Variants in ATP10D observed in about 807,000 individuals in gnomAD.
ATP10D encodes the protein ATPase phospholipid transporting 10D (putative).
In ATP10D, 89 loss-of-function variants were observed where a neutral mutation model predicts 144.8. The observed-to-expected ratio is 0.61, with a 90% CI of 0.52 to 0.73. The LOEUF is 0.73. Ranked by LOEUF, ATP10D falls within the 30% of genes least tolerant of loss-of-function variation. The pLI is 0.00. For synonymous variants in ATP10D, 571 were observed against 615.1 expected (o/e 0.93, Z 1.06); for missense variants, 1,603 against 1,714.8 (o/e 0.93, Z 1.15).
At position 47,558,991 on chromosome 4, in the gene ATP10D, G is replaced by A. The variant is rs1276798692; in HGVS notation, c.2503G>A (p.Ala835Thr). 1.9e-6 allele frequency: 3 copies of A among 1,614,138 alleles called. No individual in the cohort carries two copies. Among genetic ancestry groups the A allele is most frequent in the East Asian group, 4.5e-5 (2 of 44,880 alleles). Residue 835 changes from alanine to threonine, a missense_variant, in exon 13 of 23, where the codon GCC (alanine) becomes ACC (threonine). By Grantham distance (58) the Ala-to-Thr change is moderately conservative (BLOSUM62 0). Coordinates refer to ENST00000273859, the MANE Select transcript of ATP10D (RefSeq NM_020453.4). ...EKTQKHLDDYAKQGLRTLCIA... is the reference protein window; with the variant it reads ...EKTQKHLDDYTKQGLRTLCIA... ...AACCCAGAAGCACTTGGATGACTAT[G>A]CCAAACAAGGCCTTCGTACTTTATG...
At chr4:47,542,287 G>A (rs137976799) in intron 9 of ATP10D, among the ~76,000 whole-genome samples, 2,207 of 152,046 alleles carry the variant, frequency 0.015, 22 homozygotes, top group Non-Finnish European at 0.022. Context: ...TGTAGAGGCA[G>A]GATTTCGCCA....
At chr4:47,560,651 A>G (rs1275260409) in intron 13 of ATP10D, among the ~76,000 whole-genome samples, 1 of 152,236 alleles carries the variant, frequency 6.6e-6, no homozygotes, top group Non-Finnish European at 1.5e-5. Flanking sequence ...ACCACTCCCA[A>G]CTGCATACTT....
chr4:47,512,953 T>G, intron 2 of ATP10D, 123 bp downstream of exon 2: 1 of 952,906 alleles, frequency 1.0e-6, no homozygotes. Flanking sequence ...CCTTGACAAT[T>G]TTGATACAAA....
intron 1 of ATP10D, among the ~76,000 whole-genome samples, chr4:47,492,813 CCTAT>C (rs371969708): frequency 1.9e-4 from 29 of 152,216 alleles, no homozygotes; most frequent in Non-Finnish European, 4.1e-4. Context: ...AATGTTACCA[CCTAT>C]CTATCTTCAT....
intron 9 of ATP10D, among the ~76,000 whole-genome samples, chr4:47,539,811 ATT>A (rs1718039836): frequency 6.6e-6 from 1 of 152,230 alleles, no homozygotes; most frequent in South Asian, 2.1e-4. Flanking sequence ...ATAACACAAA[ATT>A]TTGTGTTCAT....
At chr4:47,574,625 G>T (rs1224926500) in intron 18 of ATP10D, among the ~76,000 whole-genome samples, 1 of 152,140 alleles carries the variant, frequency 6.6e-6, no homozygotes, top group East Asian at 1.9e-4. Context: ...GGTGGCTCAC[G>T]CCTGTAAGCC....
At chr4:47,579,161 T>G (rs1444008541) in intron 19 of ATP10D, among the ~76,000 whole-genome samples, 1 of 152,224 alleles carries the variant, frequency 6.6e-6, no homozygotes, top group African/African-American at 2.4e-5. Flanking sequence ...ACTTCAGAGT[T>G]GGCTCTTGTT....
chr4:47,559,668 A>C (rs1719189841), intron 13 of ATP10D, among the ~76,000 whole-genome samples: 1 of 152,122 alleles, frequency 6.6e-6, no homozygotes, highest in South Asian at 2.1e-4. Context: ...GGAAAGTGGG[A>C]TCTGTTGTAG....
rs1258070308 is a variant in ATP10D, at chr4:47,557,819, C to G, written c.1980C>G (p.Leu660=). Residue 660 remains leucine, a synonymous_variant, in exon 12 of 23, where the codon CTC becomes CTG. Coordinates refer to ENST00000273859, the MANE Select transcript of ATP10D (RefSeq NM_020453.4). ...SGVPNAFVSR[L]PLFSRMKPAS... ...TTCCAAACGCCTTTGTGAGCAGACT[C>G]CCTCTCTTTAGTCGAATGAAACCAG... 12 of 1,614,188 alleles carry G rather than the reference C, an allele frequency of 7.4e-6. No individual in the cohort carries two copies. The highest frequency in any genetic ancestry group is 2.2e-5 in the East Asian group (1 of 44,886).
intron 18 of ATP10D, among the ~76,000 whole-genome samples, chr4:47,574,843 C>G (rs1275386263): frequency 6.6e-6 from 1 of 152,138 alleles, no homozygotes; most frequent in African/African-American, 2.4e-5. Flanking sequence ...CTCTGTCCCC[C>G]AGGCTGGAGT....
chr4:47,512,880 T>C (rs1716429097), intron 2 of ATP10D, 50 bp downstream of exon 2: 1 of 1,487,360 alleles, frequency 6.7e-7, no homozygotes. Flanking sequence ...CTAGTTGATA[T>C]ATAACATATT....
chr4:47,534,504 C>T (rs1289584689), intron 5 of ATP10D, among the ~76,000 whole-genome samples: 1 of 152,138 alleles, frequency 6.6e-6, no homozygotes, highest in East Asian at 1.9e-4. Context: ...GCCTGTAGGG[C>T]CATGACTTTC....
intron 13 of ATP10D, 58 bp from the exon 14 acceptor site, chr4:47,560,891 G>T (rs949329392): frequency 4.4e-6 from 7 of 1,604,262 alleles, no homozygotes; most frequent in Admixed American, 3.3e-5. Flanking sequence ...GGTCAGTCCT[G>T]GTATTCCCAC....
intron 10 of ATP10D, chr4:47,547,084 A>G (rs542508015): frequency 5.8e-6 from 3 of 517,870 alleles, no homozygotes; most frequent in South Asian, 5.2e-5. Context: ...GTAGTATACC[A>G]TTTCTGAAAA....
Position 47,592,409 on chromosome 4 carries a change from T to C in ATP10D, c.*1028T>C, listed in dbSNP as rs920475776. 6.6e-6 allele frequency: 1 copy of C among 152,566 alleles called. No individual in the cohort carries two copies. The highest frequency in any genetic ancestry group is 1.5e-5 in the Non-Finnish European group (1 of 68,004). 9.5% of individuals were successfully genotyped at this position (152,566 alleles called of 1,614,324 possible). A position where few individuals can be genotyped will look rare whatever the true frequency, so the allele number is the denominator to read the frequency against. On this transcript the variant is annotated 3_prime_UTR_variant, in exon 23 of 23. Transcript: ENST00000273859. ...TCTCTGGAGGTTTCTATGAGGTTCT[T>C]AGAAAAATTTGGTTTTAAAATCATT...
In ATP10D at chr4:47,573,013, G is replaced by C. The variant is rs1415588225; in HGVS notation, c.3366+16G>C. On this transcript the variant is annotated intron_variant, in intron 18 of 22. Transcript: ENST00000273859. ...TAAGAATGTGGTATGTAACCCCAGA[G>C]AATTTGTCCCTTTTCCCTTCGTACC... The C allele has an allele frequency of 2.5e-6, 4 of 1,613,540 alleles. No homozygotes were observed. The highest frequency in any genetic ancestry group is 3.4e-6 in the Non-Finnish European group (4 of 1,179,644).
intron 3 of ATP10D, among the ~76,000 whole-genome samples, chr4:47,516,360 C>T (rs1716689761): frequency 6.6e-6 from 1 of 151,900 alleles, no homozygotes; most frequent in Non-Finnish European, 1.5e-5. Context: ...GGCATATTTG[C>T]TGTGTTGGAG....
intron 12 of ATP10D, 96 bp from the exon 13 acceptor site, chr4:47,558,827 G>GT (rs916742078): frequency 2.7e-5 from 27 of 998,214 alleles, no homozygotes; most frequent in Admixed American, 1.4e-4. Context: ...TTTTTTATTT[G>GT]TTTTTTTAGT....
At chr4:47,517,996 G>A (rs1376612667) in intron 3 of ATP10D, among the ~76,000 whole-genome samples, 2 of 152,098 alleles carry the variant, frequency 1.3e-5, no homozygotes, top group East Asian at 1.9e-4. Context: ...AAGAAATAGT[G>A]CTTATGTTTT....
Sources: gnomAD v4.1 joint callset for allele counts (sites outside exome capture counted in the v4.1 genomes callset) on GRCh38, gnomAD v4.1.1 for gene constraint, MANE v1.5 for transcripts, NCBI Gene and HGNC (gene_info 2026-07-23, HGNC 2026-07-21) for gene names.